The following ITPR2 variants were observed in gnomAD, a reference collection of about 807,000 sequenced individuals.
ITPR2 encodes the protein inositol 1,4,5-trisphosphate-gated calcium channel ITPR2.
ITPR2 carries 207 observed loss-of-function variants against 317.1 expected under a neutral mutation model. The observed-to-expected ratio is 0.65, with a 90% CI of 0.58 to 0.73. The LOEUF is 0.73. Ranked by LOEUF, ITPR2 falls within the 30% of genes least tolerant of loss-of-function variation. The probability of loss-of-function intolerance (pLI) is 0.00; values close to 1 mark genes in which losing one functional copy is unlikely to be tolerated. For synonymous variants in ITPR2, 1,156 were observed against 1,149.1 expected (o/e 1.01, Z -0.12); for missense variants, 2,613 against 3,284.0 (o/e 0.80, Z 4.99).
chr12:26,346,610 GT>G (rs1466060261), intron 55 of ITPR2, among the ~76,000 whole-genome samples: 1 of 146,008 alleles, frequency 6.8e-6, no homozygotes, highest in African/African-American at 2.5e-5. Flanking sequence ...GGCTACAAGA[GT>G]AAAGACTTTC....
At chr12:26,397,481 A>G (rs1248950471) in intron 54 of ITPR2, among the ~76,000 whole-genome samples, 2 of 152,030 alleles carry the variant, frequency 1.3e-5, no homozygotes, top group East Asian at 1.9e-4. Flanking sequence ...GGGTACCTGC[A>G]GCTTCCTGTA....
chr12:26,704,668 T>A lies in ITPR2; in HGVS notation c.951+6505A>T, dbSNP rs866898611. Among the ~76,000 whole-genome samples, 20 of 152,232 alleles carry A rather than the reference T, an allele frequency of 1.3e-4. No homozygotes were observed. The South Asian group carries it at 2.1e-3, about 16-fold the overall frequency. On this transcript the variant is annotated intron_variant, in intron 9 of 56. Transcript: ENST00000381340. ...TCCTCCCCAAGAAAGCAAACAGACT[T>A]AATATTTATTGCATACCTCTCATGT...
At chr12:26,710,897 C>G (rs1948632432) in intron 9 of ITPR2, among the ~76,000 whole-genome samples, 1 of 152,168 alleles carries the variant, frequency 6.6e-6, no homozygotes. Flanking sequence ...GGCCACATCA[C>G]ATACATATGC....
At chr12:26,638,017 A>C (rs1565657088) in intron 21 of ITPR2, among the ~76,000 whole-genome samples, 1 of 152,202 alleles carries the variant, frequency 6.6e-6, no homozygotes, top group African/African-American at 2.4e-5. Flanking sequence ...CATGTAACCA[A>C]AGTGTAGTAA....
At chr12:26,555,036 A>G (rs559711595) in intron 36 of ITPR2, among the ~76,000 whole-genome samples, 1 of 152,302 alleles carries the variant, frequency 6.6e-6, no homozygotes, top group African/African-American at 2.4e-5. Flanking sequence ...CAAGACTGGC[A>G]GGTGTCTGGA....
intron 26 of ITPR2, among the ~76,000 whole-genome samples, chr12:26,607,125 C>T (rs1379076321): frequency 3.3e-5 from 5 of 152,176 alleles, no homozygotes; most frequent in African/African-American, 1.2e-4. Flanking sequence ...TTAAGGAGGT[C>T]CATCCTCAGC....
intron 24 of ITPR2, 113 bp from the exon 25 acceptor site, chr12:26,622,518 G>A (rs1423774733): frequency 2.6e-6 from 2 of 762,328 alleles, no homozygotes; most frequent in Non-Finnish European, 3.9e-6. Flanking sequence ...ACCAAATTAG[G>A]AAGTGAACAG....
chr12:26,461,911 G>T (rs560744427), intron 45 of ITPR2, among the ~76,000 whole-genome samples: 9 of 147,744 alleles, frequency 6.1e-5, no homozygotes, highest in South Asian at 2.1e-4. Flanking sequence ...CTTTTTTTTT[G>T]GTCTGGCTAA....
At chr12:26,542,880 A>C (rs1270712813) in intron 37 of ITPR2, among the ~76,000 whole-genome samples, 1 of 152,206 alleles carries the variant, frequency 6.6e-6, no homozygotes, top group Non-Finnish European at 1.5e-5. Flanking sequence ...GAATGTAAAG[A>C]GAATAACTGT....
intron 21 of ITPR2, among the ~76,000 whole-genome samples, chr12:26,639,444 A>C (rs1406056498): frequency 6.6e-6 from 1 of 152,036 alleles, no homozygotes; most frequent in African/African-American, 2.4e-5. Flanking sequence ...TAGATAATTT[A>C]TATGGTTCCT....
At chr12:26,390,365 T>A (rs755759193) in intron 54 of ITPR2, among the ~76,000 whole-genome samples, 4 of 152,200 alleles carry the variant, frequency 2.6e-5, no homozygotes, top group Non-Finnish European at 4.4e-5. Flanking sequence ...CCAATGTCAA[T>A]TAATTGATGA....
intron 45 of ITPR2, among the ~76,000 whole-genome samples, chr12:26,472,662 T>C (rs2136814235): frequency 6.6e-6 from 1 of 152,318 alleles, no homozygotes; most frequent in South Asian, 2.1e-4. Context: ...ATGTCTATTC[T>C]CCTCTTCAAG....
intron 1 of ITPR2, among the ~76,000 whole-genome samples, chr12:26,830,207 T>C (rs1443214695): frequency 6.6e-6 from 1 of 152,190 alleles, no homozygotes; most frequent in East Asian, 1.9e-4. Flanking sequence ...CCCAGCCCAA[T>C]GGCAGCATTT....
At chr12:26,730,837 T>C (rs1222999079) in intron 2 of ITPR2, among the ~76,000 whole-genome samples, 1 of 152,164 alleles carries the variant, frequency 6.6e-6, no homozygotes, top group Non-Finnish European at 1.5e-5. Flanking sequence ...ACTCAAATGG[T>C]ATGGAGCACG....
intron 21 of ITPR2, among the ~76,000 whole-genome samples, chr12:26,649,818 T>TAGAC (rs1488517955): frequency 1.5e-4 from 20 of 132,892 alleles, no homozygotes; most frequent in Admixed American, 8.2e-4. Context: ...GATAGATAGA[T>TAGAC]AGATAGACAG....
At chr12:26,340,354 C>A in intron 55 of ITPR2, 26 bp from the exon 56 acceptor site, 3 of 1,569,972 alleles carry the variant, frequency 1.9e-6, no homozygotes, top group Non-Finnish European at 2.6e-6. Flanking sequence ...TGTGTGCGAA[C>A]AAGGGAATAA....
chr12:26,530,746 T>A (rs1943923813), intron 37 of ITPR2, among the ~76,000 whole-genome samples: 1 of 152,192 alleles, frequency 6.6e-6, no homozygotes, highest in Admixed American at 6.5e-5. Flanking sequence ...AACACTGTAG[T>A]ATATCTACAT....
At chr12:26,699,406 GGCCTAAT>G (rs2136998054) in intron 9 of ITPR2, among the ~76,000 whole-genome samples, 1 of 152,250 alleles carries the variant, frequency 6.6e-6, no homozygotes, top group South Asian at 2.1e-4. Flanking sequence ...TAGGAAAGGT[GGCCTAAT>G]GCCCATGGAA....
chr12:26,563,142 A>T (rs1944866185), intron 34 of ITPR2, among the ~76,000 whole-genome samples: 1 of 152,212 alleles, frequency 6.6e-6, no homozygotes, highest in African/African-American at 2.4e-5. Context: ...TACCTGGAGG[A>T]CAAAGTCAGA....
Sources: allele counts gnomAD v4.1 joint callset (sites outside exome capture counted in the v4.1 genomes callset), GRCh38; gene constraint gnomAD v4.1.1; transcripts MANE v1.5; gene names NCBI Gene and HGNC (gene_info 2026-07-23, HGNC 2026-07-21).